SPATA16: variants seen among roughly 807,000 people sequenced by gnomAD.
SPATA16 encodes the protein spermatogenesis associated 16.
In SPATA16, 36 loss-of-function variants were observed where a neutral mutation model predicts 63.3. The observed-to-expected ratio is 0.57, with a 90% CI of 0.44 to 0.75. SPATA16 has a LOEUF of 0.75. SPATA16 is among the 30% of genes least tolerant of loss of function. The probability of loss-of-function intolerance (pLI) is 0.00; values close to 1 mark genes in which losing one functional copy is unlikely to be tolerated. For synonymous variants in SPATA16, 203 were observed against 216.7 expected (o/e 0.94, Z 0.56); for missense variants, 646 against 679.3 (o/e 0.95, Z 0.54).
At chr3:172,988,385 T>TG (rs1175423666) in intron 4 of SPATA16, among the ~76,000 whole-genome samples, 4 of 152,334 alleles carry the variant, frequency 2.6e-5, no homozygotes, top group Non-Finnish European at 5.9e-5. Flanking sequence ...CAGTCACTCT[T>TG]GTAAATTTTA....
intron 3 of SPATA16, among the ~76,000 whole-genome samples, chr3:173,042,751 T>C (rs1198684278): frequency 6.6e-6 from 1 of 152,188 alleles, no homozygotes; most frequent in Non-Finnish European, 1.5e-5. Context: ...TTCAAATCTA[T>C]GCCTTTGTTT....
chr3:172,978,151 C>CTATA (rs1734210619), intron 4 of SPATA16, among the ~76,000 whole-genome samples: 1 of 148,512 alleles, frequency 6.7e-6, no homozygotes, highest in African/African-American at 2.5e-5. Context: ...CTCTCTCTCT[C>CTATA]TCTCTCTCTC....
At chr3:172,906,396 G>A (rs1373488901) in intron 10 of SPATA16, among the ~76,000 whole-genome samples, 1 of 152,162 alleles carries the variant, frequency 6.6e-6, no homozygotes, top group Non-Finnish European at 1.5e-5. Flanking sequence ...CAGAGATGGA[G>A]GATCCTATAC....
At chr3:173,041,781 G>T in intron 3 of SPATA16, among the ~76,000 whole-genome samples, 1 of 151,414 alleles carries the variant, frequency 6.6e-6, no homozygotes, top group South Asian at 2.1e-4. Flanking sequence ...GAAGAGAGGG[G>T]AACATCACAC....
intron 3 of SPATA16, among the ~76,000 whole-genome samples, chr3:173,024,225 A>G (rs1735401273): frequency 6.6e-6 from 1 of 151,638 alleles, no homozygotes; most frequent in Non-Finnish European, 1.5e-5. Context: ...TTTTATTTAC[A>G]TCATCTGCAA....
intron 4 of SPATA16, among the ~76,000 whole-genome samples, chr3:173,002,659 C>T (rs1045641160): frequency 6.6e-6 from 1 of 152,092 alleles, no homozygotes; most frequent in Middle Eastern, 3.2e-3. Context: ...ATTTGCTTTG[C>T]CAGATAACAA....
rs113755972 is a variant in SPATA16 at position 173,107,611 on chromosome 3, T to C, written c.612+9509A>G. Reference sequence around the variant, plus strand: ...TTTAGTAGAAGTTGAAACTAAATTTTCCTTTAATATTTTTCTAGATAACCT... The same window carrying C: ...TTTAGTAGAAGTTGAAACTAAATTTCCCTTTAATATTTTTCTAGATAACCT... On this transcript the variant is annotated intron_variant, in intron 2 of 10. Transcript: ENST00000351008. Among the ~76,000 whole-genome samples, 909 of 152,272 alleles carry C rather than the reference T, an allele frequency of 6.0e-3. 12 individuals are homozygous for C. Among genetic ancestry groups the C allele is most frequent in the African/African-American group, 0.021 (861 of 41,550 alleles).
At chr3:172,959,899 A>G (rs914926209) in intron 5 of SPATA16, among the ~76,000 whole-genome samples, 1 of 150,350 alleles carries the variant, frequency 6.7e-6, no homozygotes, top group Non-Finnish European at 1.5e-5. Context: ...TTCAATTAAA[A>G]TAGTAGGATT....
chr3:173,088,008 GTCTTTCTTTCTT>G (rs57997275), intron 2 of SPATA16, among the ~76,000 whole-genome samples: 6,017 of 90,524 alleles, frequency 0.066, 274 homozygotes, highest in Middle Eastern at 0.087. Context: ...TTTTCTTTCC[GTCTTTCTTTCTT>G]TCTTTCTTTC....
chr3:172,964,790 G>A (rs1483172681), intron 5 of SPATA16, among the ~76,000 whole-genome samples: 2 of 152,138 alleles, frequency 1.3e-5, no homozygotes, highest in Non-Finnish European at 2.9e-5. Context: ...TGGTGACTTC[G>A]TTCTCAAACT....
chr3:172,954,482 C>A lies in SPATA16; in HGVS notation c.1081+2195G>T, dbSNP rs530722118. ...ATCAGAGGATTCTGGTTTTTGGAAA[C>A]TACCACGAAAACAAAGTGTTTACTC... On this transcript the variant is annotated intron_variant, in intron 6 of 10. Transcript: ENST00000351008. Among the ~76,000 whole-genome samples, 23 of 152,280 alleles carry A rather than the reference C, an allele frequency of 1.5e-4. No individual in the cohort carries two copies. The South Asian group carries it at 4.6e-3, about 30-fold the overall frequency.
At chr3:172,967,025 G>A (rs1305650496) in intron 5 of SPATA16, among the ~76,000 whole-genome samples, 4 of 152,152 alleles carry the variant, frequency 2.6e-5, no homozygotes, top group African/African-American at 4.8e-5. Context: ...CAGAGAAGGA[G>A]TCAACATGTT....
chr3:173,015,109 G>A (rs115241766), intron 4 of SPATA16, among the ~76,000 whole-genome samples: 110 of 149,040 alleles, frequency 7.4e-4, no homozygotes, highest in African/African-American at 2.6e-3. Context: ...CATCGCCCAG[G>A]CTGGACTGCA....
At chr3:172,901,941 A>G (rs1732134552) in intron 10 of SPATA16, among the ~76,000 whole-genome samples, 1 of 152,192 alleles carries the variant, frequency 6.6e-6, no homozygotes, top group South Asian at 2.1e-4. Context: ...ATGGGGAAGG[A>G]AAAGGGGAGA....
chr3:173,138,329 C>A (rs1738607896), intron 1 of SPATA16, among the ~76,000 whole-genome samples: 1 of 152,122 alleles, frequency 6.6e-6, no homozygotes, highest in Non-Finnish European at 1.5e-5. Flanking sequence ...GTGCCAGTAA[C>A]TTTTAAGCTA....
At chr3:173,135,180 C>T (rs2108350503) in intron 1 of SPATA16, among the ~76,000 whole-genome samples, 1 of 152,248 alleles carries the variant, frequency 6.6e-6, no homozygotes, top group Admixed American at 6.5e-5. Flanking sequence ...AAGATGATCT[C>T]CAAATGGTCA....
intron 8 of SPATA16, among the ~76,000 whole-genome samples, chr3:172,918,783 G>A (rs1300273467): frequency 6.6e-6 from 1 of 152,086 alleles, no homozygotes; most frequent in African/African-American, 2.4e-5. Flanking sequence ...AAGTGGCCAC[G>A]ACTGAAGCTA....
intron 6 of SPATA16, among the ~76,000 whole-genome samples, chr3:172,945,235 C>A (rs1288527339): frequency 6.6e-6 from 1 of 152,150 alleles, no homozygotes; most frequent in African/African-American, 2.4e-5. Flanking sequence ...AATCTCAGAA[C>A]AATTTGGACC....
At chr3:173,101,740 C>G (rs911578945) in intron 2 of SPATA16, among the ~76,000 whole-genome samples, 5 of 152,100 alleles carry the variant, frequency 3.3e-5, no homozygotes, top group Non-Finnish European at 5.9e-5. Flanking sequence ...ATTGCTTAAC[C>G]TCTCAAAACC....
Sources: allele counts gnomAD v4.1 joint callset (sites outside exome capture counted in the v4.1 genomes callset), GRCh38; gene constraint gnomAD v4.1.1; transcripts MANE v1.5; gene names NCBI Gene and HGNC (gene_info 2026-07-23, HGNC 2026-07-21).